Variants in COTL1 observed in about 807,000 individuals in gnomAD.
COTL1 encodes coactosin like F-actin binding protein 1.
Under a neutral mutation model 16.5 loss-of-function variants are expected in COTL1, and 15 were observed. The ratio of observed to expected loss-of-function variants is 0.91; its 90% CI spans 0.61 to 1.40. The LOEUF (loss-of-function observed/expected upper bound fraction) is 1.40. COTL1 is among the 40% of genes most tolerant of loss of function. COTL1 has a pLI of 0.00. For missense variants in COTL1, 220 were observed against 201.5 expected, an observed-to-expected ratio of 1.09 and a Z score of -0.56; for synonymous variants, 112 against 85.3, an observed-to-expected ratio of 1.31 and a Z score of -1.73.
intron 2 of COTL1, among the ~76,000 whole-genome samples, chr16:84,602,395 CTT>C (rs903663134): frequency 1.4e-5 from 2 of 142,938 alleles, no homozygotes; most frequent in African/African-American, 5.4e-5. Context: ...TCTCAAAAAA[CTT>C]TTTTTCTTTT....
intron 3 of COTL1, among the ~76,000 whole-genome samples, chr16:84,579,044 C>T (rs1285156596): frequency 2.6e-5 from 4 of 151,780 alleles, no homozygotes; most frequent in African/African-American, 9.7e-5. Context: ...GTAGTGCACA[C>T]ACATACACAT....
chr16:84,614,169 T>C (rs1332946967), intron 2 of COTL1, among the ~76,000 whole-genome samples: 3 of 152,236 alleles, frequency 2.0e-5, no homozygotes, highest in Non-Finnish European at 4.4e-5. Flanking sequence ...TAATCTGCAC[T>C]GGGCATTTCT....
chr16:84,586,003 T>G (rs1478318989), intron 3 of COTL1, among the ~76,000 whole-genome samples: 1 of 152,152 alleles, frequency 6.6e-6, no homozygotes, highest in African/African-American at 2.4e-5. Context: ...CCCGCCTCCC[T>G]GCCCAAAGGC....
chr16:84,597,696 A>G (rs1905034591), intron 2 of COTL1, among the ~76,000 whole-genome samples: 1 of 152,220 alleles, frequency 6.6e-6, no homozygotes, highest in South Asian at 2.1e-4. Flanking sequence ...TCTCAAGGAC[A>G]GAAAAGCTGA....
chr16:84,605,449 A>G (rs966243475), intron 2 of COTL1, among the ~76,000 whole-genome samples: 51 of 152,384 alleles, frequency 3.3e-4, no homozygotes, highest in Admixed American at 3.3e-3. Flanking sequence ...AAAACTGTGA[A>G]TATGTCCCTC....
intron 2 of COTL1, among the ~76,000 whole-genome samples, chr16:84,613,899 G>T (rs182861527): frequency 1.3e-5 from 2 of 152,064 alleles, no homozygotes; most frequent in African/African-American, 4.8e-5. Flanking sequence ...ATTGGTCTAG[G>T]GATGGGCACA....
chr16:84,590,656 T>C lies in COTL1; in HGVS notation c.161-394A>G, dbSNP rs993458002. On this transcript the variant is annotated intron_variant, in intron 2 of 3. Transcript: ENST00000262428. The surrounding 1 kb of genome is among the most constrained non-coding windows in gnomAD (Gnocchi z 5.5). ...GGTGGGCCCATTGCACAGATGTGGG[T>C]GCCGCCAGCAGTGCCAGGGCCCAGC... Among the ~76,000 whole-genome samples, 1 of 152,214 alleles carries C rather than the reference T, an allele frequency of 6.6e-6. No individual in the cohort carries two copies. Among genetic ancestry groups the C allele is most frequent in the Non-Finnish European group, 1.5e-5 (1 of 68,038 alleles).
At chr16:84,615,373 A>T (rs1167395442) in intron 2 of COTL1, among the ~76,000 whole-genome samples, 2 of 152,056 alleles carry the variant, frequency 1.3e-5, no homozygotes, top group Non-Finnish European at 2.9e-5. Flanking sequence ...CTGTGGGAGG[A>T]GGGAAGTGTT....
At chr16:84,603,507 C>T (rs181960227) in intron 2 of COTL1, among the ~76,000 whole-genome samples, 1 of 152,144 alleles carries the variant, frequency 6.6e-6, no homozygotes. Flanking sequence ...ATCGGTGACA[C>T]AGCACGTTGA....
intron 2 of COTL1, among the ~76,000 whole-genome samples, chr16:84,593,676 TA>T (rs1229567024): frequency 4.6e-5 from 7 of 151,836 alleles, no homozygotes; most frequent in African/African-American, 9.7e-5. Context: ...CACGCCCGGC[TA>T]ATTTTTTGTA....
intron 2 of COTL1, among the ~76,000 whole-genome samples, chr16:84,601,798 G>C (rs534892901): frequency 4.6e-5 from 7 of 152,318 alleles, no homozygotes; most frequent in Non-Finnish European, 5.9e-5. Context: ...CCAGAGAACA[G>C]GGTAAGGACA....
chr16:84,566,664 C>T lies in COTL1; in HGVS notation c.*181G>A, dbSNP rs1904299651. The T allele has an allele frequency of 1.4e-5, 8 of 560,112 alleles. No individual in the cohort carries two copies. Among genetic ancestry groups the T allele is most frequent in the African/African-American group, 3.8e-5 (2 of 52,818 alleles). 34.7% of individuals were successfully genotyped at this position (560,112 alleles called of 1,614,324 possible). A position where few individuals can be genotyped will look rare whatever the true frequency, so the allele number is the denominator to read the frequency against. On this transcript the variant is annotated 3_prime_UTR_variant, in exon 4 of 4. Transcript: ENST00000262428. ...GTTCCATGAGCGTCATGAGATAGGA[C>T]ACGGCAGGGTTCTAAGGGAAGCGGG... is the stretch of plus-strand genomic sequence containing the variant.
At chr16:84,600,963 C>G (rs1369185747) in intron 2 of COTL1, among the ~76,000 whole-genome samples, 1 of 152,116 alleles carries the variant, frequency 6.6e-6, no homozygotes, top group African/African-American at 2.4e-5. Context: ...TCTCTACTTC[C>G]TTAAATGGGA....
In COTL1 at chr16:84,582,183, C is replaced by T. The variant is rs182240904; in HGVS notation, c.318+7922G>A. Among the ~76,000 whole-genome samples the T allele has an allele frequency of 1.1e-4, 17 of 151,658 alleles. No individual in the cohort carries two copies. In the East Asian group the frequency reaches 2.9e-3, roughly 26 times the overall value. On this transcript the variant is annotated intron_variant, in intron 3 of 3. Coordinates refer to ENST00000262428, the MANE Select transcript of COTL1 (RefSeq NM_021149.5). ...CTAATTTTTGTATTTTTAGTAGAGA[C>T]GGGGTTTTACTATGTTGGCCAGGTT...
intron 3 of COTL1, among the ~76,000 whole-genome samples, chr16:84,586,014 G>T (rs1041989876): frequency 6.6e-6 from 1 of 152,122 alleles, no homozygotes; most frequent in South Asian, 2.1e-4. Context: ...GCCCAAAGGC[G>T]TGTGCACGTG....
intron 3 of COTL1, among the ~76,000 whole-genome samples, chr16:84,577,908 G>A (rs1425141157): frequency 3.3e-5 from 5 of 152,150 alleles, no homozygotes; most frequent in Non-Finnish European, 7.4e-5. Context: ...TCAGCATTTG[G>A]GCAACTGCCT....
chr16:84,594,911 CCT>C (rs974070718), intron 2 of COTL1: 3 of 152,896 alleles, frequency 2.0e-5, no homozygotes, highest in Non-Finnish European at 2.9e-5. Flanking sequence ...CAGCGTCTGC[CCT>C]CTCTGCTGGC....
intron 2 of COTL1, among the ~76,000 whole-genome samples, chr16:84,606,780 A>C (rs530969331): frequency 6.6e-6 from 1 of 152,310 alleles, no homozygotes; most frequent in East Asian, 1.9e-4. Flanking sequence ...CCCGCCTCCC[A>C]GGGCTGCACC....
intron 3 of COTL1, among the ~76,000 whole-genome samples, chr16:84,584,268 G>T (rs935472501): frequency 6.6e-6 from 1 of 152,246 alleles, no homozygotes; most frequent in African/African-American, 2.4e-5. Context: ...AGCCCCTGCT[G>T]CCCCGTGGCC....
Sources: allele counts gnomAD v4.1 joint callset (sites outside exome capture counted in the v4.1 genomes callset), GRCh38; gene constraint gnomAD v4.1.1; non-coding constraint Gnocchi (gnomAD v3.1); transcripts MANE v1.5; gene names NCBI Gene and HGNC (gene_info 2026-07-23, HGNC 2026-07-21).